The following ROR2 variants were observed in gnomAD, a reference collection of about 807,000 sequenced individuals.
ROR2 encodes ROR family WNT receptor 2.
ROR2 carries 33 observed loss-of-function variants against 74.9 expected under a neutral mutation model. The observed-to-expected ratio is 0.44, with a 90% CI of 0.33 to 0.59. ROR2 has a LOEUF of 0.59. ROR2 is among the 20% of genes least tolerant of loss of function. The pLI, the probability that ROR2 is intolerant of heterozygous loss-of-function variation, is 0.02. For synonymous variants in ROR2, 586 were observed against 558.7 expected, an observed-to-expected ratio of 1.05 and a Z score of -0.69; for missense variants, 1,216 against 1,313.8, an observed-to-expected ratio of 0.93 and a Z score of 1.15.
intron 2 of ROR2, among the ~76,000 whole-genome samples, chr9:91,758,072 A>C (rs534298073): frequency 6.6e-6 from 1 of 152,340 alleles, no homozygotes; most frequent in African/African-American, 2.4e-5. Context: ...CAAATATGCA[A>C]GAAACTTGGC....
rs566119434 is a variant in ROR2, at chr9:91,878,254, A to C, written c.97+71613T>G. Reference sequence around the variant, plus strand: ...AAGAATGAAAGAATTTTGCCTCAACAGATCAAAATTGCGCCCTCCCTTTCC... The same window carrying C: ...AAGAATGAAAGAATTTTGCCTCAACCGATCAAAATTGCGCCCTCCCTTTCC... On this transcript the variant is annotated intron_variant, in intron 1 of 8. Coordinates refer to ENST00000375708, the MANE Select transcript of ROR2 (RefSeq NM_004560.4). Among the ~76,000 whole-genome samples, 24 of 152,318 alleles carry C rather than the reference A, an allele frequency of 1.6e-4. 1 individual carries two copies. The South Asian group carries it at 5.0e-3, about 32-fold the overall frequency.
intron 1 of ROR2, among the ~76,000 whole-genome samples, chr9:91,809,928 A>G (rs73651531): frequency 2.3e-4 from 35 of 152,248 alleles, no homozygotes; most frequent in African/African-American, 8.2e-4. Flanking sequence ...AATTGAAACG[A>G]GTGCCTCTCT....
At chr9:91,799,514 C>T (rs1338975369) in intron 1 of ROR2, among the ~76,000 whole-genome samples, 1 of 152,186 alleles carries the variant, frequency 6.6e-6, no homozygotes, top group African/African-American at 2.4e-5. Context: ...CTGTGCTGCA[C>T]CCTCTCCCCA....
At chr9:91,908,336 ACAT>A (rs1397088599) in intron 1 of ROR2, among the ~76,000 whole-genome samples, 1 of 152,248 alleles carries the variant, frequency 6.6e-6, no homozygotes, top group Non-Finnish European at 1.5e-5. Context: ...ATCAATCAGA[ACAT>A]CTCCTGACCA....
intron 1 of ROR2, among the ~76,000 whole-genome samples, chr9:91,921,941 T>A (rs142354522): frequency 1.7e-5 from 2 of 118,938 alleles, no homozygotes; most frequent in African/African-American, 3.8e-5. Context: ...AGGATCTGAA[T>A]AGACATTTCT....
chr9:91,801,286 G>A (rs1827369586), intron 1 of ROR2, among the ~76,000 whole-genome samples: 1 of 152,140 alleles, frequency 6.6e-6, no homozygotes, highest in Non-Finnish European at 1.5e-5. Flanking sequence ...TTCATGTGAA[G>A]GCTCTCGTGT....
At chr9:91,827,374 G>A (rs556270232) in intron 1 of ROR2, among the ~76,000 whole-genome samples, 47 of 152,088 alleles carry the variant, frequency 3.1e-4, no homozygotes, top group African/African-American at 1.1e-3. Flanking sequence ...TCACACCATT[G>A]CACTCCAGCC....
rs373390754 is a variant in ROR2, at chr9:91,775,750, T to G, written c.166A>C (p.Thr56Pro). Residue 56 changes from threonine (T) to proline (P), a missense_variant, in exon 2 of 9, where the codon ACT (threonine) becomes CCT (proline). Thr to Pro is a conservative substitution (Grantham distance 38). Coordinates refer to ENST00000375708, the MANE Select transcript of ROR2 (RefSeq NM_004560.4). ...PLDGQDGPIPTLKGYFLNFLE... is the reference protein window; with the variant it reads ...PLDGQDGPIPPLKGYFLNFLE... ...GCATGTCCCAGCTCACCTTTCAGAGTTGGAATCGGGCCGTCCTGCCCATCA... is the reference window on the plus strand; with the variant it reads ...GCATGTCCCAGCTCACCTTTCAGAGGTGGAATCGGGCCGTCCTGCCCATCA... The G allele has an allele frequency of 1.4e-5, 22 of 1,613,752 alleles. No individual in the cohort carries two copies. Among genetic ancestry groups the G allele is most frequent in the Non-Finnish European group, 1.8e-5 (21 of 1,179,920 alleles).
intron 1 of ROR2, 29 bp from the exon 2 acceptor site, chr9:91,775,847 A>G (rs754933125): frequency 6.2e-7 from 1 of 1,605,858 alleles, no homozygotes; most frequent in East Asian, 2.2e-5. Flanking sequence ...GATAGGTATT[A>G]AACAAGTTTT....
intron 2 of ROR2, among the ~76,000 whole-genome samples, chr9:91,759,220 A>G (rs953256177): frequency 2.0e-5 from 3 of 151,080 alleles, no homozygotes; most frequent in African/African-American, 7.3e-5. Flanking sequence ...GAGGTGGGGG[A>G]AGCCAGGCGG....
At chr9:91,854,036 G>A (rs943012476) in intron 1 of ROR2, among the ~76,000 whole-genome samples, 24 of 152,190 alleles carry the variant, frequency 1.6e-4, no homozygotes, top group African/African-American at 5.8e-4. Context: ...AGAGGAGAAG[G>A]GGAAGAGGCC....
chr9:91,743,992 A>G (rs1334187926), intron 4 of ROR2, among the ~76,000 whole-genome samples: 1 of 152,230 alleles, frequency 6.6e-6, no homozygotes, highest in Non-Finnish European at 1.5e-5. Flanking sequence ...CATACAACAG[A>G]ATACTTCTCA....
At chr9:91,873,204 TCTACCA>T (rs11278540) in intron 1 of ROR2, among the ~76,000 whole-genome samples, 48,574 of 151,642 alleles carry the variant, frequency 0.32, 8,087 homozygotes, top group Admixed American at 0.47. Flanking sequence ...CATCGACTCA[TCTACCA>T]CTACCACTGC....
chr9:91,771,601 T>C (rs1826228577), intron 2 of ROR2, among the ~76,000 whole-genome samples: 5 of 152,232 alleles, frequency 3.3e-5, no homozygotes. Context: ...CTTTGGCATA[T>C]GAAAACTGAA....
At chr9:91,749,263 T>A (rs1410812678) in intron 4 of ROR2, among the ~76,000 whole-genome samples, 1 of 152,188 alleles carries the variant, frequency 6.6e-6, no homozygotes, top group Non-Finnish European at 1.5e-5. Context: ...ATAACTAATA[T>A]CATAGACGGT....
chr9:91,775,895 C>T, intron 1 of ROR2, 77 bp from the exon 2 acceptor site: 1 of 1,224,582 alleles, frequency 8.2e-7, no homozygotes, highest in Non-Finnish European at 1.2e-6. Flanking sequence ...TATGCAAAGA[C>T]AACAGCATTC....
chr9:91,928,330 A>T (rs1831463646), intron 1 of ROR2, among the ~76,000 whole-genome samples: 1 of 152,128 alleles, frequency 6.6e-6, no homozygotes, highest in South Asian at 2.1e-4. Flanking sequence ...GCTGCCCTTG[A>T]GGCCCTGCGT....
intron 1 of ROR2, among the ~76,000 whole-genome samples, chr9:91,876,500 ACT>A (rs1450741334): frequency 6.6e-6 from 1 of 152,132 alleles, no homozygotes; most frequent in Non-Finnish European, 1.5e-5. Flanking sequence ...ACGCATGCAA[ACT>A]CTCCAATTGT....
rs534537195 is a variant in ROR2, at chr9:91,792,600, C to T, written c.98-16782G>A. Among the ~76,000 whole-genome samples the T allele has an allele frequency of 7.2e-5, 11 of 152,246 alleles. No individual in the cohort carries two copies. In the East Asian group the frequency reaches 1.9e-3, roughly 27 times the overall value. ...TGGGATTACAGGCATGAGCCATGCG[C>T]CCAGCCAAGGCCTGGTTCTTTGAAA... On this transcript the variant is annotated intron_variant, in intron 1 of 8. Transcript: ENST00000375708.
Sources: gnomAD v4.1 joint callset for allele counts (sites outside exome capture counted in the v4.1 genomes callset) on GRCh38, gnomAD v4.1.1 for gene constraint, MANE v1.5 for transcripts, NCBI Gene and HGNC (gene_info 2026-07-23, HGNC 2026-07-21) for gene names.